The following ACTN2 variants were observed in gnomAD, a reference collection of about 807,000 sequenced individuals.
ACTN2 encodes the protein actinin alpha 2, also known as alpha-actinin-2.
Under a neutral mutation model 113.8 loss-of-function variants are expected in ACTN2, and 39 were observed. The ratio of observed to expected loss-of-function variants is 0.34; its 90% confidence interval spans 0.27 to 0.45. ACTN2 has a LOEUF of 0.45. Ranked by LOEUF, ACTN2 falls within the 20% of genes least tolerant of loss-of-function variation. ACTN2 has a pLI of 1.00. For synonymous variants in ACTN2, 429 were observed against 444.1 expected, an observed-to-expected ratio of 0.97 and a Z score of 0.43; for missense variants, 992 against 1,177.9, an observed-to-expected ratio of 0.84 and a Z score of 2.31.
At chr1:236,737,297 G>GTATATAGATATATA in intron 9 of ACTN2, 83 bp downstream of exon 9, 1 of 318,344 alleles carries the variant, frequency 3.1e-6, no homozygotes, top group Middle Eastern at 8.5e-4. Context: ...CTCCGTGGGG[G>GTATATAGATATATA]CATATATATA....
intron 1 of ACTN2, among the ~76,000 whole-genome samples, chr1:236,687,594 T>A (rs911035421): frequency 6.6e-6 from 1 of 152,260 alleles, no homozygotes; most frequent in Non-Finnish European, 1.5e-5. Flanking sequence ...AACCTTAAGA[T>A]AACGGGGTTA....
chr1:236,727,569 C>G (rs554709216), intron 5 of ACTN2, 109 bp from the exon 6 acceptor site: 3 of 1,135,658 alleles, frequency 2.6e-6, no homozygotes, highest in African/African-American at 3.1e-5. Context: ...TGGGGCCCTC[C>G]GTGCATGAAG....
At chr1:236,747,986 T>G in intron 13 of ACTN2, 1 of 539,668 alleles carries the variant, frequency 1.9e-6, no homozygotes, top group Non-Finnish European at 3.3e-6. Context: ...CGAAGTATAT[T>G]TTTCAATTTT....
chr1:236,758,090 T>A (rs1659599976), intron 18 of ACTN2, among the ~76,000 whole-genome samples: 1 of 152,174 alleles, frequency 6.6e-6, no homozygotes, highest in African/African-American at 2.4e-5. Flanking sequence ...ATGCATGATC[T>A]CTTTTAAGGA....
Position 236,763,754 on chromosome 1 carries a change from A to G in ACTN2, c.*1135A>G, listed in dbSNP as rs1028208180. 1.3e-5 allele frequency: 2 copies of G among 152,164 alleles called. No homozygotes were observed. Among genetic ancestry groups the G allele is most frequent in the Non-Finnish European group, 2.9e-5 (2 of 68,036 alleles). 9.4% of individuals were successfully genotyped at this position (152,164 alleles called of 1,614,324 possible). A position where few individuals can be genotyped will look rare whatever the true frequency, so the allele number is the denominator to read the frequency against. Reference sequence around the variant, plus strand: ...CCCTGGGATTGGACAGTGTATCCTAACAAGTCCCATGTCTGGTTCTGTGTC... The same window carrying G: ...CCCTGGGATTGGACAGTGTATCCTAGCAAGTCCCATGTCTGGTTCTGTGTC... On this transcript the variant is annotated 3_prime_UTR_variant, in exon 21 of 21. Coordinates refer to ENST00000366578, the MANE Select transcript of ACTN2 (RefSeq NM_001103.4).
rs551468519 is a variant in ACTN2, at chr1:236,743,097, C to T, written c.1255+54C>T. The T allele has an allele frequency of 5.9e-5, 94 of 1,603,044 alleles. 1 individual carries two copies. In the African/African-American group the frequency reaches 1.2e-3, roughly 21 times the overall value. On this transcript the variant is annotated intron_variant, in intron 11 of 20. Coordinates refer to ENST00000366578, the MANE Select transcript of ACTN2 (RefSeq NM_001103.4). ...TTGAAAAACCAGAGTTGAGCCATGCCCAGAGCCATGATGCATCCTTACTAA... is the reference window on the plus strand; with the variant it reads ...TTGAAAAACCAGAGTTGAGCCATGCTCAGAGCCATGATGCATCCTTACTAA...
intron 1 of ACTN2, among the ~76,000 whole-genome samples, chr1:236,715,609 A>C (rs1658176359): frequency 6.6e-6 from 1 of 152,168 alleles, no homozygotes; most frequent in Non-Finnish European, 1.5e-5. Flanking sequence ...GTCTAAGTTT[A>C]AGTGGCTACT....
chr1:236,718,910 A>G lies in ACTN2; in HGVS notation c.258A>G (p.Lys86=). The change falls in exon 3 of 21, where the codon AAA becomes AAG. Residue 86 remains lysine (K), a synonymous_variant. Transcript: ENST00000366578. ...LEVISGERLP[K]PDRGKMRFHK... Reference sequence around the variant, plus strand: ...ATCCAACAGGGGAAAGGCTGCCCAAACCTGACCGGGGAAAAATGCGGTTCC... The same window carrying G: ...ATCCAACAGGGGAAAGGCTGCCCAAGCCTGACCGGGGAAAAATGCGGTTCC... The G allele has an allele frequency of 6.2e-7, 1 of 1,614,116 alleles. No homozygotes were observed. Among genetic ancestry groups the G allele is most frequent in the Non-Finnish European group, 8.5e-7 (1 of 1,180,008 alleles).
chr1:236,694,227 T>A (rs2102861113), intron 1 of ACTN2, among the ~76,000 whole-genome samples: 1 of 151,118 alleles, frequency 6.6e-6, no homozygotes, highest in East Asian at 1.9e-4. Context: ...TTTCTTTTTT[T>A]TTTTTTTTTG....
At chr1:236,726,079 G>A (rs771671286) in intron 5 of ACTN2, 59 bp downstream of exon 5, 2 of 1,477,724 alleles carry the variant, frequency 1.4e-6, no homozygotes, top group East Asian at 2.3e-5. Flanking sequence ...GTAGCATGGG[G>A]AACAGTGTTT....
intron 1 of ACTN2, among the ~76,000 whole-genome samples, chr1:236,705,646 C>T (rs1572101243): frequency 6.6e-6 from 1 of 152,374 alleles, no homozygotes; most frequent in East Asian, 1.9e-4. Flanking sequence ...ATGGACAATG[C>T]AGAAGTTTCC....
At chr1:236,694,096 A>G (rs566290112) in intron 1 of ACTN2, among the ~76,000 whole-genome samples, 1 of 152,104 alleles carries the variant, frequency 6.6e-6, no homozygotes, top group Non-Finnish European at 1.5e-5. Context: ...TCTGCCTTCT[A>G]GAGCAGGGGT....
intron 1 of ACTN2, among the ~76,000 whole-genome samples, chr1:236,693,062 C>T (rs967228738): frequency 4.6e-5 from 7 of 152,016 alleles, no homozygotes; most frequent in African/African-American, 1.7e-4. Flanking sequence ...TTGGGGGAGA[C>T]GCTTGCAAAC....
intron 1 of ACTN2, among the ~76,000 whole-genome samples, chr1:236,708,142 T>C (rs1657891172): frequency 6.6e-6 from 1 of 152,056 alleles, no homozygotes; most frequent in South Asian, 2.1e-4. Flanking sequence ...ATTGCTGGAC[T>C]GAGCTGTTGC....
intron 4 of ACTN2, among the ~76,000 whole-genome samples, chr1:236,725,277 C>T (rs1658514970): frequency 6.6e-6 from 1 of 152,120 alleles, no homozygotes; most frequent in African/African-American, 2.4e-5. Context: ...AGTCTCTGGT[C>T]CGAATAATAG....
intron 1 of ACTN2, among the ~76,000 whole-genome samples, chr1:236,711,562 C>T (rs1658026730): frequency 1.3e-5 from 2 of 152,074 alleles, no homozygotes; most frequent in African/African-American, 4.8e-5. Context: ...GTTGATCAGG[C>T]TGGTCTTGAA....
chr1:236,717,771 A>G, intron 1 of ACTN2, 87 bp from the exon 2 acceptor site: 2 of 893,522 alleles, frequency 2.2e-6, no homozygotes, highest in South Asian at 2.8e-5. Flanking sequence ...GATTCCCAAG[A>G]ACGTGTAAGG....
At chr1:236,712,921 T>C (rs1041340607) in intron 1 of ACTN2, among the ~76,000 whole-genome samples, 5 of 26,194 alleles carry the variant, frequency 1.9e-4, no homozygotes, top group Admixed American at 1.7e-3. Context: ...CATCAGTTGC[T>C]TTTTTTTTTT....
rs151030738 is a variant in ACTN2 at position 236,753,066 on chromosome 1, G to C, written c.1840-881G>C. ...AGCATTAAAATGTAACTCACAAATGGAACAGAAAGCAGGTAGACAGGTGTA... is the reference window on the plus strand; with the variant it reads ...AGCATTAAAATGTAACTCACAAATGCAACAGAAAGCAGGTAGACAGGTGTA... On this transcript the variant is annotated intron_variant, in intron 15 of 20. Transcript: ENST00000366578. Among the ~76,000 whole-genome samples, 423 of 152,210 alleles carry C rather than the reference G, an allele frequency of 2.8e-3. 1 individual carries two copies. Among genetic ancestry groups the C allele is most frequent in the Non-Finnish European group, 4.2e-3 (285 of 68,012 alleles).
Sources: gnomAD v4.1 joint callset for allele counts (sites outside exome capture counted in the v4.1 genomes callset) on GRCh38, gnomAD v4.1.1 for gene constraint, MANE v1.5 for transcripts, NCBI Gene and HGNC (gene_info 2026-07-23, HGNC 2026-07-21) for gene names.